CCDC148: variants seen among roughly 807,000 people sequenced by gnomAD.
CCDC148 encodes the protein coiled-coil domain-containing protein 148.
Under a neutral mutation model 85.7 loss-of-function variants are expected in CCDC148, and 89 were observed. That is an observed-to-expected ratio of 1.04 (90% confidence interval 0.87 to 1.24). The LOEUF (loss-of-function observed/expected upper bound fraction) is 1.24. Among genes scored for constraint, CCDC148 ranks in the 50% most tolerant of loss-of-function variants. The pLI, the probability that CCDC148 is intolerant of heterozygous loss-of-function variation, is 0.00. For synonymous variants in CCDC148, 230 were observed against 213.9 expected, an observed-to-expected ratio of 1.08 and a Z score of -0.66; for missense variants, 692 against 671.7, an observed-to-expected ratio of 1.03 and a Z score of -0.33.
At chr2:158,188,425 T>G (rs1427176938) in intron 11 of CCDC148, among the ~76,000 whole-genome samples, 2 of 151,982 alleles carry the variant, frequency 1.3e-5, no homozygotes, top group Admixed American at 1.3e-4. Context: ...TTAGAATATT[T>G]TTTTTAAATA....
chr2:158,176,873 A>C (rs967788069), intron 12 of CCDC148, among the ~76,000 whole-genome samples: 7 of 152,160 alleles, frequency 4.6e-5, no homozygotes, highest in African/African-American at 1.4e-4. Context: ...CAAAATATTA[A>C]AATGCCTTGG....
intron 9 of CCDC148, among the ~76,000 whole-genome samples, chr2:158,289,999 T>C (rs1205458309): frequency 6.6e-6 from 1 of 152,108 alleles, no homozygotes; most frequent in Non-Finnish European, 1.5e-5. Flanking sequence ...ACCAAGGAAA[T>C]GACTGACACA....
At chr2:158,232,342 A>C (rs1019683765) in intron 10 of CCDC148, among the ~76,000 whole-genome samples, 1 of 152,058 alleles carries the variant, frequency 6.6e-6, no homozygotes, top group African/African-American at 2.4e-5. Flanking sequence ...ATGTCATGCT[A>C]TTTTTCAGTC....
At chr2:158,283,481 T>A (rs1001286759) in intron 9 of CCDC148, among the ~76,000 whole-genome samples, 47 of 152,204 alleles carry the variant, frequency 3.1e-4, no homozygotes, top group African/African-American at 1.1e-3. Flanking sequence ...GAATAGACAC[T>A]TCTCAAAAGA....
rs116153536 is a variant in CCDC148 at position 158,277,434 on chromosome 2, C to G, written c.1111-26522G>C. Reference sequence around the variant, plus strand: ...ATAGTCAAGGAGAATAATGATTGATCTAAATATATACTATGGTCATTTTTC... The same window carrying G: ...ATAGTCAAGGAGAATAATGATTGATGTAAATATATACTATGGTCATTTTTC... On this transcript the variant is annotated intron_variant, in intron 9 of 13. Transcript: ENST00000283233. Among the ~76,000 whole-genome samples the G allele has an allele frequency of 5.3e-5, 8 of 152,154 alleles. No homozygotes were observed. The East Asian group carries it at 1.4e-3, about 26-fold the overall frequency.
At chr2:158,234,609 A>G (rs1029398350) in intron 10 of CCDC148, among the ~76,000 whole-genome samples, 3 of 152,232 alleles carry the variant, frequency 2.0e-5, no homozygotes, top group African/African-American at 7.2e-5. Context: ...GTTCATCACA[A>G]CCTTAAAAGG....
In CCDC148 at chr2:158,319,987, A is replaced by T. The variant is rs930153842; in HGVS notation, c.765-6093T>A. Among the ~76,000 whole-genome samples the T allele has an allele frequency of 2.0e-5, 3 of 152,212 alleles. No homozygotes were observed. The South Asian group carries it at 6.2e-4, about 32-fold the overall frequency. On this transcript the variant is annotated intron_variant, in intron 7 of 13. Coordinates refer to ENST00000283233, the MANE Select transcript of CCDC148 (RefSeq NM_138803.4). ...GTTTTAAATCCTTATATTGAGCCAA[A>T]ATCTGTCTCCATGTTACCATTTTAT...
chr2:158,453,786 T>A (rs1243255221), intron 1 of CCDC148, among the ~76,000 whole-genome samples: 1 of 152,204 alleles, frequency 6.6e-6, no homozygotes, highest in East Asian at 1.9e-4. Flanking sequence ...TCTGAGCTGG[T>A]AATTGAAAAG....
chr2:158,282,393 C>T (rs574577782), intron 9 of CCDC148, among the ~76,000 whole-genome samples: 32 of 152,232 alleles, frequency 2.1e-4, no homozygotes, highest in Middle Eastern at 3.4e-3. Flanking sequence ...TGTCTCAGAC[C>T]AAAATCTCCT....
At chr2:158,210,164 A>G (rs565527578) in intron 11 of CCDC148, among the ~76,000 whole-genome samples, 28 of 152,308 alleles carry the variant, frequency 1.8e-4, no homozygotes, top group African/African-American at 5.5e-4. Context: ...TTGCGATCCT[A>G]GTCTCTGATA....
chr2:158,392,970 C>T (rs1254085705), intron 1 of CCDC148, among the ~76,000 whole-genome samples: 1 of 151,840 alleles, frequency 6.6e-6, no homozygotes, highest in Non-Finnish European at 1.5e-5. Context: ...TGTGTGCTTA[C>T]ATTACAAGTA....
Position 158,271,507 on chromosome 2 carries a change from T to G in CCDC148, c.1111-20595A>C, listed in dbSNP as rs947339065. Reference sequence around the variant, plus strand: ...CATGCTGTATGCACTACCTGCCCATTAGTCACTTTGCAGCCATCTTGGTTA... The same window carrying G: ...CATGCTGTATGCACTACCTGCCCATGAGTCACTTTGCAGCCATCTTGGTTA... On this transcript the variant is annotated intron_variant, in intron 9 of 13. Transcript: ENST00000283233. Among the ~76,000 whole-genome samples, 15 of 152,316 alleles carry G rather than the reference T, an allele frequency of 9.8e-5. No homozygotes were observed. The East Asian group carries it at 1.4e-3, about 14-fold the overall frequency.
At chr2:158,191,858 G>C (rs1468278496) in intron 11 of CCDC148, among the ~76,000 whole-genome samples, 1 of 151,904 alleles carries the variant, frequency 6.6e-6, no homozygotes, top group Non-Finnish European at 1.5e-5. Context: ...TCTGCCAAGT[G>C]AACCCTGGTG....
At chr2:158,327,060 C>A (rs764478310) in intron 7 of CCDC148, among the ~76,000 whole-genome samples, 1 of 152,116 alleles carries the variant, frequency 6.6e-6, no homozygotes, top group African/African-American at 2.4e-5. Context: ...AAACTAGTTC[C>A]TATTGATATT....
intron 1 of CCDC148, among the ~76,000 whole-genome samples, chr2:158,361,049 T>C (rs750022093): frequency 2.6e-5 from 4 of 151,176 alleles, no homozygotes; most frequent in Non-Finnish European, 5.9e-5. Context: ...AATAGCTAAA[T>C]CGATCAAGCA....
In CCDC148 at chr2:158,233,803, C is replaced by A. The variant is rs565006315; in HGVS notation, c.1252-13090G>T. Among the ~76,000 whole-genome samples the A allele has an allele frequency of 9.4e-4, 143 of 152,124 alleles. 1 individual carries two copies. The highest frequency in any genetic ancestry group is 4.1e-3 in the South Asian group (20 of 4,820). On this transcript the variant is annotated intron_variant, in intron 10 of 13. Coordinates refer to ENST00000283233, the MANE Select transcript of CCDC148 (RefSeq NM_138803.4). The stretch of plus-strand genomic sequence containing the variant: ...ATTCCTACTCTCAAAACCTTTCAGC[C>A]AACATTACCTCTTCTGTAGTTTGAT...
chr2:158,347,311 T>C (rs1001021615), intron 2 of CCDC148, among the ~76,000 whole-genome samples: 1 of 152,108 alleles, frequency 6.6e-6, no homozygotes, highest in African/African-American at 2.4e-5. Context: ...TTTGGGCCCA[T>C]GGAAAGTTCA....
chr2:158,222,208 C>A (rs1687221355), intron 10 of CCDC148, among the ~76,000 whole-genome samples: 1 of 152,168 alleles, frequency 6.6e-6, no homozygotes, highest in Non-Finnish European at 1.5e-5. Flanking sequence ...TACTTCCTTA[C>A]TCCCAGCACT....
chr2:158,180,377 A>C (rs1684838752), intron 11 of CCDC148, among the ~76,000 whole-genome samples: 1 of 152,180 alleles, frequency 6.6e-6, no homozygotes, highest in African/African-American at 2.4e-5. Flanking sequence ...AAGCATAGAC[A>C]TGTGATCTTA....
Sources: allele counts gnomAD v4.1 joint callset (sites outside exome capture counted in the v4.1 genomes callset), GRCh38; gene constraint gnomAD v4.1.1; transcripts MANE v1.5; gene names NCBI Gene and HGNC (gene_info 2026-07-23, HGNC 2026-07-21).